DCLK2: variants seen among roughly 807,000 people sequenced by gnomAD.
DCLK2 encodes serine/threonine-protein kinase DCLK2.
A neutral mutation model predicts 78.4 loss-of-function variants in DCLK2; 31 were observed. The observed-to-expected ratio is 0.40, with a 90% CI of 0.30 to 0.53. DCLK2 has a LOEUF of 0.53. Ranked by LOEUF, DCLK2 falls within the 20% of genes least tolerant of loss-of-function variation. DCLK2 has a pLI of 0.61. For synonymous variants in DCLK2, 407 were observed against 374.9 expected (o/e 1.09, Z -0.99); for missense variants, 872 against 973.7 (o/e 0.90, Z 1.39).
At chr4:150,111,736 T>C (rs994317476) in intron 2 of DCLK2, among the ~76,000 whole-genome samples, 1 of 152,102 alleles carries the variant, frequency 6.6e-6, no homozygotes, top group Non-Finnish European at 1.5e-5. Flanking sequence ...CTGAAAAGGG[T>C]TTCCTTTCCC....
rs550420722 is a variant in DCLK2 at position 150,193,313 on chromosome 4, C to T, written c.859+73C>T. 5.2e-6 allele frequency: 5 copies of T among 954,618 alleles called. No individual in the cohort carries two copies. The East Asian group carries it at 7.4e-5, about 14-fold the overall frequency. The allele number at this position is 954,618 out of a possible 1,614,324, so 59.1% of individuals were successfully genotyped here. A position where few individuals can be genotyped will look rare whatever the true frequency, so the allele number is the denominator to read the frequency against. On this transcript the variant is annotated intron_variant, in intron 3 of 15. Transcript: ENST00000296550. ...GAAATGAAGGCTTGGGATTTAGCCA[C>T]TCAGTTGGTGCATGTTAAGAAGTCT...
At chr4:150,110,720 G>C (rs555120561) in intron 2 of DCLK2, among the ~76,000 whole-genome samples, 1 of 152,210 alleles carries the variant, frequency 6.6e-6, no homozygotes, top group East Asian at 1.9e-4. Flanking sequence ...CCACTTAAAA[G>C]TGAGAAAATA....
rs545633598 is a variant in DCLK2, at chr4:150,156,483, A to AAAATAAATAAATAAATAAAT, written c.757-36633_757-36614dup. Among the ~76,000 whole-genome samples, 52 of 143,188 alleles carry AAAATAAATAAATAAATAAAT rather than the reference A, an allele frequency of 3.6e-4. No homozygotes were observed. In the East Asian group the frequency reaches 5.6e-3, roughly 15 times the overall value. The allele number at this position is 143,188 out of a possible 152,430, so 93.9% of individuals were successfully genotyped here. A position where few individuals can be genotyped will look rare whatever the true frequency, so the allele number is the denominator to read the frequency against. The stretch of plus-strand genomic sequence containing the variant: ...GCAACATAGTGAGGCCGTCTCTACC[A>AAAATAAATAAATAAATAAAT]AAATAAATAAATAAATAAATAAATA... On this transcript the variant is annotated intron_variant, in intron 2 of 15. Coordinates refer to ENST00000296550, the MANE Select transcript of DCLK2 (RefSeq NM_001040260.4).
chr4:150,214,386 C>T (rs1344952547), intron 5 of DCLK2, among the ~76,000 whole-genome samples: 1 of 152,164 alleles, frequency 6.6e-6, no homozygotes, highest in Non-Finnish European at 1.5e-5. Flanking sequence ...TGCTTTATAG[C>T]AACAACCATA....
rs759242411 is a variant in DCLK2, at chr4:150,079,235, A to G, written c.208A>G (p.Lys70Glu). The G allele has an allele frequency of 1.9e-6, 3 of 1,609,354 alleles. No individual in the cohort carries two copies. Among genetic ancestry groups the G allele is most frequent in the Non-Finnish European group, 2.5e-6 (3 of 1,178,114 alleles). The change falls in exon 1 of 16, where the codon AAG becomes GAG. Residue 70 changes from lysine (K) to glutamate (E), a missense_variant. Physicochemically the swap from Lys to Glu is moderately conservative, Grantham distance 56. Transcript: ENST00000296550. ...RTLQALSSEK[K>E]AKKARFYRNG... The stretch of plus-strand genomic sequence containing the variant: ...CCTGCAGGCCCTCAGCTCGGAGAAG[A>G]AGGCCAAGAAGGCGCGCTTCTACCG...
intron 4 of DCLK2, 152 bp from the exon 5 acceptor site, chr4:150,203,643 T>G (rs540506798): frequency 6.1e-4 from 300 of 489,674 alleles, no homozygotes; most frequent in African/African-American, 5.4e-3. Flanking sequence ...GATACATTAT[T>G]TTTGCTTTTT....
At chr4:150,206,190 A>G (rs764023046) in intron 5 of DCLK2, among the ~76,000 whole-genome samples, 1 of 152,214 alleles carries the variant, frequency 6.6e-6, no homozygotes, top group African/African-American at 2.4e-5. Flanking sequence ...TCACACATGC[A>G]TGCATACTTG....
rs187630532 is a variant in DCLK2, at chr4:150,115,466, T to A, written c.756+12654T>A. ...TTTGTTGCCGGAATTATTTTTCTGGTTCCTTTTCATTGGGTTAGACTAATT... is the reference window on the plus strand; with the variant it reads ...TTTGTTGCCGGAATTATTTTTCTGGATCCTTTTCATTGGGTTAGACTAATT... On this transcript the variant is annotated intron_variant, in intron 2 of 15. Coordinates refer to ENST00000296550, the MANE Select transcript of DCLK2 (RefSeq NM_001040260.4). Among the ~76,000 whole-genome samples the A allele has an allele frequency of 1.4e-3, 206 of 152,298 alleles. 1 individual carries two copies. The Middle Eastern group carries it at 0.041, about 30-fold the overall frequency.
chr4:150,239,665 C>T (rs909453932), intron 10 of DCLK2, 77 bp from the exon 11 acceptor site: 16 of 1,532,338 alleles, frequency 1.0e-5, no homozygotes, highest in Non-Finnish European at 1.8e-6. Context: ...TGTGTCCTTT[C>T]TGCCTAATTC....
At chr4:150,254,579 G>C (rs1580815692) in intron 15 of DCLK2, 1 of 397,994 alleles carries the variant, frequency 2.5e-6, no homozygotes, top group African/African-American at 2.1e-5. Context: ...CCTGTATGCT[G>C]GCTCTCTGCT....
chr4:150,238,541 C>T (rs991405616), intron 10 of DCLK2, among the ~76,000 whole-genome samples: 3 of 152,162 alleles, frequency 2.0e-5, no homozygotes, highest in African/African-American at 7.2e-5. Context: ...TAAATAGTCA[C>T]GTCTCCACCA....
intron 2 of DCLK2, among the ~76,000 whole-genome samples, chr4:150,128,835 C>A (rs995003912): frequency 9.2e-5 from 14 of 152,064 alleles, no homozygotes; most frequent in African/African-American, 3.4e-4. Flanking sequence ...TTTACAAAAT[C>A]TTCATAAGGA....
intron 5 of DCLK2, among the ~76,000 whole-genome samples, chr4:150,215,390 C>T (rs1388579009): frequency 1.3e-5 from 2 of 152,194 alleles, no homozygotes; most frequent in Non-Finnish European, 2.9e-5. Flanking sequence ...AGTGGCAAGT[C>T]TGGGCCTCTG....
intron 2 of DCLK2, among the ~76,000 whole-genome samples, chr4:150,190,206 T>TATAGATAG (rs1308008374): frequency 1.0e-5 from 1 of 98,732 alleles, no homozygotes; most frequent in African/African-American, 3.0e-5. Flanking sequence ...CCTGGATAGA[T>TATAGATAG]ATAGATAGAT....
At chr4:150,114,440 C>T (rs751785420) in intron 2 of DCLK2, among the ~76,000 whole-genome samples, 2 of 152,072 alleles carry the variant, frequency 1.3e-5, no homozygotes, top group East Asian at 1.9e-4. Context: ...CTGTTCCAGT[C>T]GTCATGTTGA....
chr4:150,213,024 A>G (rs1420003203), intron 5 of DCLK2, among the ~76,000 whole-genome samples: 2 of 152,188 alleles, frequency 1.3e-5, no homozygotes, highest in African/African-American at 4.8e-5. Context: ...GCATGCAGGT[A>G]TTTTTAGCAA....
At chr4:150,159,817 C>T (rs556362914) in intron 2 of DCLK2, among the ~76,000 whole-genome samples, 5 of 151,906 alleles carry the variant, frequency 3.3e-5, no homozygotes, top group African/African-American at 4.8e-5. Context: ...GGGAGGTGGT[C>T]GAGAGAACAC....
At chr4:150,116,900 G>A (rs1297320450) in intron 2 of DCLK2, among the ~76,000 whole-genome samples, 7 of 152,148 alleles carry the variant, frequency 4.6e-5, no homozygotes, top group Admixed American at 4.6e-4. Context: ...TTGACTCCCA[G>A]AGTGCAAAAG....
chr4:150,248,403 C>T lies in DCLK2; in HGVS notation c.1956+18C>T. ...GGGTGTCAGTAAGTACCCACATTCCCAGGGAATGGGCCTCACTGTGCTCTG... is the reference window on the plus strand; with the variant it reads ...GGGTGTCAGTAAGTACCCACATTCCTAGGGAATGGGCCTCACTGTGCTCTG... On this transcript the variant is annotated intron_variant, in intron 14 of 15. Transcript: ENST00000296550. The T allele has an allele frequency of 6.2e-7, 1 of 1,607,248 alleles. No individual in the cohort carries two copies. The highest frequency in any genetic ancestry group is 1.3e-5 in the African/African-American group (1 of 74,916).
Sources: gnomAD v4.1 joint callset for allele counts (sites outside exome capture counted in the v4.1 genomes callset) on GRCh38, gnomAD v4.1.1 for gene constraint, MANE v1.5 for transcripts, NCBI Gene and HGNC (gene_info 2026-07-23, HGNC 2026-07-21) for gene names.